The following IGFL2 variants were observed in gnomAD, a reference collection of about 807,000 sequenced individuals.
The protein encoded by IGFL2 is IGF like family member 2.
IGFL2 carries 7 observed loss-of-function variants against 13.9 expected under a neutral mutation model. That is an observed-to-expected ratio of 0.51 (90% CI 0.29 to 0.95). The LOEUF (loss-of-function observed/expected upper bound fraction) is 0.95. Among genes scored for constraint, IGFL2 ranks in the 40% least tolerant of loss-of-function variants. The pLI is 0.08. For synonymous variants in IGFL2, 55 were observed against 55.8 expected (o/e 0.99, Z 0.07); for missense variants, 138 against 147.8 (o/e 0.93, Z 0.34).
the IGFL2 span, chr19:46,198,000 CCCCTCCCTCCCT>C: frequency 6.9e-5 from 7 of 102,124 alleles, no homozygotes; most frequent in East Asian, 1.1e-3. Context: ...CCCTCCCCTC[CCCCTCCCTCCCT>C]CCCTCCCTCC....
At chr19:46,125,050 C>T in the IGFL2 span, among the ~76,000 whole-genome samples, 1 of 141,232 alleles carries the variant, frequency 7.1e-6, no homozygotes, top group Admixed American at 7.1e-5. Context: ...TCAGCCACTT[C>T]CCCATCTGGT....
At chr19:46,107,564 G>A in the IGFL2 span, among the ~76,000 whole-genome samples, 1 of 152,192 alleles carries the variant, frequency 6.6e-6, no homozygotes, top group Non-Finnish European at 1.5e-5. Flanking sequence ...TGGTTTAGGA[G>A]TTTCAAAGTT....
the IGFL2 span, among the ~76,000 whole-genome samples, chr19:46,081,619 A>G: frequency 1.2e-4 from 18 of 152,260 alleles, no homozygotes; most frequent in East Asian, 3.3e-3. Flanking sequence ...GTCTGTGTAT[A>G]TGCAGCCTAG....
intron 1 of IGFL2, among the ~76,000 whole-genome samples, chr19:46,151,121 T>G (rs1403345331): frequency 2.6e-5 from 4 of 152,256 alleles, no homozygotes; most frequent in Non-Finnish European, 5.9e-5. Context: ...TCTCTACTTC[T>G]ATGAGTTCAA....
At chr19:46,108,592 G>A in the IGFL2 span, among the ~76,000 whole-genome samples, 1 of 152,092 alleles carries the variant, frequency 6.6e-6, no homozygotes. Flanking sequence ...AAAAGAGAGG[G>A]TAGAGACATG....
chr19:46,184,988 C>T, the IGFL2 span, among the ~76,000 whole-genome samples: 1 of 152,234 alleles, frequency 6.6e-6, no homozygotes, highest in African/African-American at 2.4e-5. Context: ...TTGCATTTCT[C>T]TGATGACTAG....
chr19:46,208,814 T>C, the IGFL2 span: 1 of 152,234 alleles, frequency 6.6e-6, no homozygotes, highest in Non-Finnish European at 1.5e-5. Flanking sequence ...TGAGGCCACC[T>C]TGGCGTGCAG....
chr19:46,104,631 G>A, the IGFL2 span, among the ~76,000 whole-genome samples: 2 of 152,058 alleles, frequency 1.3e-5, no homozygotes, highest in East Asian at 1.9e-4. Flanking sequence ...GGGCATGTAA[G>A]TAAATCAATT....
At chr19:46,099,618 C>T in the IGFL2 span, among the ~76,000 whole-genome samples, 2 of 151,718 alleles carry the variant, frequency 1.3e-5, no homozygotes, top group East Asian at 1.9e-4. Context: ...AACCTCTGCC[C>T]CCCGAGTTCA....
At chr19:46,136,122 G>A in the IGFL2 span, among the ~76,000 whole-genome samples, 1 of 152,130 alleles carries the variant, frequency 6.6e-6, no homozygotes, top group Admixed American at 6.5e-5. Flanking sequence ...CCCAGATTTG[G>A]ATGTCAACCT....
chr19:46,079,929 T>G, the IGFL2 span, among the ~76,000 whole-genome samples: 1 of 152,156 alleles, frequency 6.6e-6, no homozygotes, highest in East Asian at 1.9e-4. Context: ...GCGTCTCTCC[T>G]TGAGCCCTAA....
upstream of IGFL2, among the ~76,000 whole-genome samples, chr19:46,144,047 T>G (rs1435894873): frequency 6.6e-6 from 1 of 152,186 alleles, no homozygotes; most frequent in Non-Finnish European, 1.5e-5. Flanking sequence ...CTGACCACCT[T>G]CACTTAGCAT....
At chr19:46,124,517 C>G in the IGFL2 span, 2 of 1,243,840 alleles carry the variant, frequency 1.6e-6, no homozygotes, top group Admixed American at 1.7e-5. Flanking sequence ...TAGTAGGGCA[C>G]AGGAGGCTGG....
At chr19:46,128,990 G>A in the IGFL2 span, among the ~76,000 whole-genome samples, 2 of 152,194 alleles carry the variant, frequency 1.3e-5, no homozygotes, top group African/African-American at 4.8e-5. Flanking sequence ...TTTTTTGGTT[G>A]GTAGGCTATT....
chr19:46,170,465 A>G, the IGFL2 span, among the ~76,000 whole-genome samples: 2 of 152,164 alleles, frequency 1.3e-5, no homozygotes, highest in Admixed American at 1.3e-4. Context: ...TTCGTAAAGC[A>G]TGTGTGTTTG....
At chr19:46,094,274 C>T in the IGFL2 span, among the ~76,000 whole-genome samples, 5 of 151,536 alleles carry the variant, frequency 3.3e-5, no homozygotes, top group Non-Finnish European at 7.4e-5. Context: ...AGAAATAGAC[C>T]CACACAAAAA....
chr19:46,190,530 A>G, the IGFL2 span: 1 of 152,284 alleles, frequency 6.6e-6, no homozygotes, highest in Admixed American at 6.5e-5. Flanking sequence ...CAGACAGTCA[A>G]GGGAATGGGG....
upstream of IGFL2, among the ~76,000 whole-genome samples, chr19:46,144,460 GTATCATATCATACCATATCTCATATCA>G (rs1362621111): frequency 6.6e-6 from 1 of 151,784 alleles, no homozygotes; most frequent in Non-Finnish European, 1.5e-5. Flanking sequence ...GTATCATATC[GTATCATATCATACCATATCTCATATCA>G]TATCATATCA....
chr19:46,139,342 A>ATT (rs201568410), upstream of IGFL2, among the ~76,000 whole-genome samples: 7 of 53,960 alleles, frequency 1.3e-4, no homozygotes, highest in Non-Finnish European at 1.9e-4. Context: ...AATCAAAACC[A>ATT]ATTTTTTTTT....
Sources: allele counts gnomAD v4.1 joint callset (sites outside exome capture counted in the v4.1 genomes callset), GRCh38; gene constraint gnomAD v4.1.1; transcripts MANE v1.5; gene names NCBI Gene and HGNC (gene_info 2026-07-23, HGNC 2026-07-21).